The following CDYL2 variants were observed in gnomAD, a reference collection of about 807,000 sequenced individuals.
The protein encoded by CDYL2 is chromodomain Y-like protein 2.
CDYL2 carries 23 observed loss-of-function variants against 49.4 expected under a neutral mutation model. The ratio of observed to expected loss-of-function variants is 0.47; its 90% CI spans 0.34 to 0.66. The LOEUF is 0.66. Ranked by LOEUF, CDYL2 falls within the 30% of genes least tolerant of loss-of-function variation. CDYL2 has a pLI of 0.01. For missense variants in CDYL2, 678 were observed against 656.4 expected (o/e 1.03, Z -0.36); for synonymous variants, 360 against 268.8 (o/e 1.34, Z -3.32).
At chr16:80,684,000 T>G (rs758498245) in intron 2 of CDYL2, among the ~76,000 whole-genome samples, 24 of 152,210 alleles carry the variant, frequency 1.6e-4, no homozygotes, top group Non-Finnish European at 3.4e-4. Context: ...AACCTAGAGA[T>G]AGCAGAAGGA....
At chr16:80,721,371 G>C (rs1597098445) in intron 1 of CDYL2, among the ~76,000 whole-genome samples, 2 of 152,212 alleles carry the variant, frequency 1.3e-5, no homozygotes, top group African/African-American at 4.8e-5. Flanking sequence ...CACACGCTGG[G>C]GCCTGGATTC....
intron 1 of CDYL2, among the ~76,000 whole-genome samples, chr16:80,709,565 C>G (rs1309888006): frequency 7.0e-5 from 10 of 143,114 alleles, no homozygotes; most frequent in East Asian, 3.9e-4. Context: ...TAAACAGACA[C>G]ACACACACAC....
intron 2 of CDYL2, chr16:80,679,886 C>A: frequency 2.4e-6 from 1 of 416,788 alleles, no homozygotes; most frequent in South Asian, 1.7e-5. Context: ...CCACACTACA[C>A]CTACTAAATC....
At chr16:80,722,051 G>T (rs984110957) in intron 1 of CDYL2, among the ~76,000 whole-genome samples, 1 of 152,082 alleles carries the variant, frequency 6.6e-6, no homozygotes, top group Non-Finnish European at 1.5e-5. Flanking sequence ...TGTCTAAAAG[G>T]GCTCTATAAA....
At chr16:80,648,032 T>C (rs896505937) in intron 2 of CDYL2, among the ~76,000 whole-genome samples, 8 of 152,108 alleles carry the variant, frequency 5.3e-5, no homozygotes, top group Non-Finnish European at 1.0e-4. Context: ...GGGAATTTTA[T>C]AGCTTTAAGT....
chr16:80,664,849 C>T (rs971281066), intron 2 of CDYL2, among the ~76,000 whole-genome samples: 1 of 152,222 alleles, frequency 6.6e-6, no homozygotes. Flanking sequence ...GGGTAATGAC[C>T]CTCCCTGCTA....
At chr16:80,648,786 T>C (rs1244009721) in intron 2 of CDYL2, among the ~76,000 whole-genome samples, 1 of 151,702 alleles carries the variant, frequency 6.6e-6, no homozygotes, top group Admixed American at 6.6e-5. Context: ...CAACAATATG[T>C]CAAAAAAATC....
At chr16:80,716,422 G>C (rs749874009) in intron 1 of CDYL2, among the ~76,000 whole-genome samples, 13 of 151,978 alleles carry the variant, frequency 8.6e-5, no homozygotes, top group Admixed American at 5.2e-4. Flanking sequence ...GGATAGATGG[G>C]TGGATGGGTA....
chr16:80,746,559 T>A (rs1905938023), intron 1 of CDYL2, among the ~76,000 whole-genome samples: 1 of 152,204 alleles, frequency 6.6e-6, no homozygotes, highest in Non-Finnish European at 1.5e-5. Context: ...ACCCCAAGAA[T>A]GTAGGGCAAA....
intron 6 of CDYL2, among the ~76,000 whole-genome samples, chr16:80,605,995 C>T (rs1355671994): frequency 2.0e-5 from 3 of 152,230 alleles, no homozygotes; most frequent in South Asian, 2.1e-4. Flanking sequence ...CTGCTGCTGC[C>T]GCCCTCTGGC....
chr16:80,782,154 A>C (rs1330530740), intron 1 of CDYL2, among the ~76,000 whole-genome samples: 2 of 152,048 alleles, frequency 1.3e-5, no homozygotes, highest in Non-Finnish European at 2.9e-5. Context: ...AGGCTCAATG[A>C]GAAATGAAAA....
At chr16:80,759,770 T>A (rs1449995501) in intron 1 of CDYL2, among the ~76,000 whole-genome samples, 1 of 152,144 alleles carries the variant, frequency 6.6e-6, no homozygotes, top group Non-Finnish European at 1.5e-5. Context: ...CATTCAGCAA[T>A]TGCACAAACC....
chr16:80,694,498 AAG>A (rs1208020607), intron 1 of CDYL2, among the ~76,000 whole-genome samples: 3 of 152,252 alleles, frequency 2.0e-5, no homozygotes, highest in Non-Finnish European at 2.9e-5. Context: ...CTTAAAAAAA[AAG>A]CTATAAATAA....
At chr16:80,652,182 A>T (rs1233991290) in intron 2 of CDYL2, among the ~76,000 whole-genome samples, 1 of 152,184 alleles carries the variant, frequency 6.6e-6, no homozygotes, top group African/African-American at 2.4e-5. Context: ...CACAATTCTC[A>T]ATAAAAGGAC....
At chr16:80,746,517 G>A (rs1384851342) in intron 1 of CDYL2, among the ~76,000 whole-genome samples, 1 of 152,178 alleles carries the variant, frequency 6.6e-6, no homozygotes, top group Non-Finnish European at 1.5e-5. Context: ...TCTTCTGACT[G>A]TTCTAAATCA....
At chr16:80,804,891 G>T (rs1597141676), upstream of CDYL2, among the ~76,000 whole-genome samples, 1 of 151,976 alleles carries the variant, frequency 6.6e-6, no homozygotes, top group African/African-American at 2.4e-5. Flanking sequence ...CCGGCCCGGG[G>T]TCCCCACCTA....
At chr16:80,755,903 A>G (rs1252214326) in intron 1 of CDYL2, among the ~76,000 whole-genome samples, 1 of 152,220 alleles carries the variant, frequency 6.6e-6, no homozygotes, top group Non-Finnish European at 1.5e-5. Context: ...ATTTTTCTGT[A>G]AACCTAAAAC....
intron 2 of CDYL2, among the ~76,000 whole-genome samples, chr16:80,654,908 G>A (rs1390831565): frequency 6.6e-6 from 1 of 152,046 alleles, no homozygotes; most frequent in African/African-American, 2.4e-5. Context: ...TTGTGTAGAG[G>A]GAGTTGTTCC....
At chr16:80,722,490 C>G (rs1905030492) in intron 1 of CDYL2, among the ~76,000 whole-genome samples, 1 of 152,186 alleles carries the variant, frequency 6.6e-6, no homozygotes, top group Non-Finnish European at 1.5e-5. Flanking sequence ...CCTTATCGAG[C>G]CAACAACGGC....
Sources: allele counts gnomAD v4.1 joint callset (sites outside exome capture counted in the v4.1 genomes callset), GRCh38; gene constraint gnomAD v4.1.1; transcripts MANE v1.5; gene names NCBI Gene and HGNC (gene_info 2026-07-23, HGNC 2026-07-21).